PACS1: variants seen among roughly 807,000 people sequenced by gnomAD.
PACS1 encodes phosphofurin acidic cluster sorting protein 1.
PACS1 carries 24 observed loss-of-function variants against 115.0 expected under a neutral mutation model. The observed-to-expected ratio is 0.21, with a 90% confidence interval of 0.15 to 0.29. The LOEUF (loss-of-function observed/expected upper bound fraction) is 0.29, where lower values mean the gene tolerates loss of function less well. Among genes scored for constraint, PACS1 ranks in the 10% least tolerant of loss-of-function variants. The pLI, the probability that PACS1 is intolerant of heterozygous loss-of-function variation, is 1.00. For synonymous variants in PACS1, 453 were observed against 504.5 expected (o/e 0.90, Z 1.37); for missense variants, 838 against 1,251.2 (o/e 0.67, Z 4.98).
intron 1 of PACS1, among the ~76,000 whole-genome samples, chr11:66,134,819 C>T (rs569031520): frequency 1.3e-5 from 2 of 152,140 alleles, no homozygotes; most frequent in African/African-American, 4.8e-5. Context: ...CACTTTTATT[C>T]TGTCTTGAAT....
chr11:66,139,693 T>C (rs895390172), intron 1 of PACS1, among the ~76,000 whole-genome samples: 3 of 152,198 alleles, frequency 2.0e-5, no homozygotes, highest in African/African-American at 7.2e-5. Context: ...CACATTCTTT[T>C]TTGTGGCCAA....
intron 1 of PACS1, among the ~76,000 whole-genome samples, chr11:66,091,845 A>T (rs377644563): frequency 6.6e-6 from 1 of 152,038 alleles, no homozygotes; most frequent in Non-Finnish European, 1.5e-5. Context: ...TACAAAGGAC[A>T]TGAACTCATC....
At chr11:66,136,493 A>G (rs577671633) in intron 1 of PACS1, among the ~76,000 whole-genome samples, 59 of 152,244 alleles carry the variant, frequency 3.9e-4, no homozygotes, top group African/African-American at 1.3e-3. Context: ...CATGGCTTTC[A>G]GTCTTTATGG....
At chr11:66,127,923 G>A (rs1481410988) in intron 1 of PACS1, among the ~76,000 whole-genome samples, 3 of 152,230 alleles carry the variant, frequency 2.0e-5, no homozygotes, top group Non-Finnish European at 4.4e-5. Context: ...TAGACCCCGA[G>A]TTTGATAAAA....
intron 1 of PACS1, among the ~76,000 whole-genome samples, chr11:66,128,654 A>C (rs1015053137): frequency 6.6e-5 from 10 of 151,562 alleles, no homozygotes; most frequent in Non-Finnish European, 1.5e-4. Flanking sequence ...GAGGCTGAGG[A>C]GGGTGGATCA....
At chr11:66,090,688 C>T (rs1020776889) in intron 1 of PACS1, among the ~76,000 whole-genome samples, 1 of 152,204 alleles carries the variant, frequency 6.6e-6, no homozygotes, top group Non-Finnish European at 1.5e-5. Context: ...AAACCACTCA[C>T]TTTCCAGACC....
intron 1 of PACS1, among the ~76,000 whole-genome samples, chr11:66,131,026 G>A (rs1858689194): frequency 6.6e-6 from 1 of 152,034 alleles, no homozygotes; most frequent in East Asian, 1.9e-4. Flanking sequence ...AGCCTTGATT[G>A]TGCCACCACT....
chr11:66,155,920 C>G (rs1341858381), intron 1 of PACS1, among the ~76,000 whole-genome samples: 1 of 151,790 alleles, frequency 6.6e-6, no homozygotes, highest in Admixed American at 6.6e-5. Context: ...GGATCTGGCT[C>G]AAAAACATGC....
rs895784857 is a variant in PACS1, at chr11:66,070,905, C to A, written c.356+63C>A. 4.4e-6 allele frequency: 6 copies of A among 1,360,800 alleles called. No homozygotes were observed. The highest frequency in any genetic ancestry group is 5.6e-6 in the Non-Finnish European group (6 of 1,062,288). The allele number at this position is 1,360,800 out of a possible 1,614,324, so 84.3% of individuals were successfully genotyped here. ...GGGGTGGCCGCCGGGGCCCAGCCCT[C>A]CCCGCCCCAGCGCCCATGGGGTCCC... On this transcript the variant is annotated intron_variant, in intron 1 of 23. Transcript: ENST00000320580. This position sits in a 1 kb window ranked among gnomAD's most constrained non-coding sequence, Gnocchi z 5.9.
intron 17 of PACS1, among the ~76,000 whole-genome samples, chr11:66,234,769 C>T (rs1383181614): frequency 1.3e-5 from 2 of 152,018 alleles, no homozygotes; most frequent in African/African-American, 4.8e-5. Flanking sequence ...CCCAGCTACT[C>T]GGGAGGCTGA....
intron 1 of PACS1, among the ~76,000 whole-genome samples, chr11:66,126,915 G>A (rs984076759): frequency 2.6e-5 from 4 of 152,078 alleles, no homozygotes; most frequent in South Asian, 2.1e-4. Flanking sequence ...ACACTGCTGC[G>A]GGTGGAGGAG....
At chr11:66,161,307 C>T (rs982171867) in intron 1 of PACS1, among the ~76,000 whole-genome samples, 1 of 151,990 alleles carries the variant, frequency 6.6e-6, no homozygotes, top group African/African-American at 2.4e-5. Flanking sequence ...AAAAAATTAG[C>T]CGGGCGTGGT....
In PACS1 at chr11:66,070,497, G is replaced by A. The variant is rs1434367460; in HGVS notation, c.11G>A (p.Arg4His). 8 of 1,291,714 alleles carry A rather than the reference G, an allele frequency of 6.2e-6. No individual in the cohort carries two copies. In the East Asian group the frequency reaches 1.9e-4, roughly 31 times the overall value. The allele number at this position is 1,291,714 out of a possible 1,614,324, so 80.0% of individuals were successfully genotyped here. A position where few individuals can be genotyped will look rare whatever the true frequency, so the allele number is the denominator to read the frequency against. Residue 4 changes from arginine to histidine, a missense_variant, in exon 1 of 24, where the codon CGC (arginine) becomes CAC (histidine). By Grantham distance (29) the Arg-to-His change is conservative. Around this residue, in one of 6 missense-constraint regions of PACS1, gnomAD observed 15 missense variants for 39.0 expected, o/e 0.38. Transcript: ENST00000320580. The surrounding 1 kb of genome is among the most constrained non-coding windows in gnomAD (Gnocchi z 5.9). MAE[R>H]GGAGGGPGGA... The stretch of plus-strand genomic sequence containing the variant: ...CCGCCTAGCCGGGCCATGGCGGAAC[G>A]CGGAGGGGCGGGCGGTGGTCCCGGA...
intron 1 of PACS1, among the ~76,000 whole-genome samples, chr11:66,107,741 T>C (rs911261397): frequency 6.6e-6 from 1 of 152,166 alleles, no homozygotes; most frequent in African/African-American, 2.4e-5. Flanking sequence ...TTAGCATAAC[T>C]GAGATAGGCT....
rs1855695414 is a variant in PACS1, at chr11:66,235,953, T to G, written c.2250+13T>G. 1 of 1,612,062 alleles carries G rather than the reference T, an allele frequency of 6.2e-7. No homozygotes were observed. The highest frequency in any genetic ancestry group is 8.5e-7 in the Non-Finnish European group (1 of 1,178,260). On this transcript the variant is annotated intron_variant, in intron 19 of 23. Transcript: ENST00000320580. This position sits in a 1 kb window ranked among gnomAD's most constrained non-coding sequence, Gnocchi z 5.6. ...TCCCTTCATTGGCGTGAGTACTGAC[T>G]CCCTCTGCTTGGCACCCCACCCGTT...
chr11:66,176,142 A>G (rs1303876748), intron 1 of PACS1, among the ~76,000 whole-genome samples: 1 of 152,186 alleles, frequency 6.6e-6, no homozygotes, highest in Non-Finnish European at 1.5e-5. Flanking sequence ...GCATGGGAAC[A>G]TTGTGTGATG....
intron 1 of PACS1, among the ~76,000 whole-genome samples, chr11:66,160,519 T>TA (rs2134624296): frequency 6.6e-6 from 1 of 152,172 alleles, no homozygotes; most frequent in Admixed American, 6.5e-5. Flanking sequence ...TTATTTTTTT[T>TA]TGAGATGAGG....
rs1176529583 is a variant in PACS1, at chr11:66,209,489, C to T, written c.445-873C>T. On this transcript the variant is annotated intron_variant, in intron 2 of 23. Transcript: ENST00000320580. ...CCCAGGAGTGCTGGGAACTCACAGA[C>T]GTTAACAAATCATTTTGCTGTGATA... is the stretch of plus-strand genomic sequence containing the variant. Among the ~76,000 whole-genome samples the T allele has an allele frequency of 2.0e-5, 3 of 152,256 alleles. No individual in the cohort carries two copies. The East Asian group carries it at 5.8e-4, about 29-fold the overall frequency.
At chr11:66,166,607 G>C (rs1392860943) in intron 1 of PACS1, among the ~76,000 whole-genome samples, 2 of 150,572 alleles carry the variant, frequency 1.3e-5, no homozygotes, top group Non-Finnish European at 2.9e-5. Context: ...ATTTTTGCTT[G>C]GTTTTGAATT....
Sources: allele counts gnomAD v4.1 joint callset (sites outside exome capture counted in the v4.1 genomes callset), GRCh38; gene constraint gnomAD v4.1.1; regional missense constraint gnomAD v4.1.1; non-coding constraint Gnocchi (gnomAD v3.1); transcripts MANE v1.5; gene names NCBI Gene and HGNC (gene_info 2026-07-23, HGNC 2026-07-21).